Variants in ZAN observed in about 807,000 individuals in gnomAD.
ZAN encodes zonadhesin (gene/pseudogene).
A neutral mutation model predicts 286.2 loss-of-function variants in ZAN; 260 were observed. That is an observed-to-expected ratio of 0.91 (90% CI 0.82 to 1.01). The LOEUF (loss-of-function observed/expected upper bound fraction) is 1.01, where lower values mean the gene tolerates loss of function less well. Ranked by LOEUF, ZAN falls within the 50% of genes least tolerant of loss-of-function variation. The pLI, the probability that ZAN is intolerant of heterozygous loss-of-function variation, is 0.00. For synonymous variants in ZAN, 1,368 were observed against 1,417.5 expected, an observed-to-expected ratio of 0.97 and a Z score of 0.79; for missense variants, 3,410 against 3,639.2, an observed-to-expected ratio of 0.94 and a Z score of 1.62.
chr7:100,787,110 T>C (rs1328532776), intron 37 of ZAN, among the ~76,000 whole-genome samples: 1 of 150,736 alleles, frequency 6.6e-6, no homozygotes, highest in Admixed American at 6.6e-5. Flanking sequence ...TAATTGAATG[T>C]CAGTAGGTAT....
chr7:100,794,933 G>A (rs1446426278), intron 44 of ZAN, among the ~76,000 whole-genome samples: 1 of 150,750 alleles, frequency 6.6e-6, no homozygotes, highest in Non-Finnish European at 1.5e-5. Context: ...GAGAGGAGGG[G>A]AGAAGGAGGG....
rs774485727 is a variant in ZAN, at chr7:100,736,806, C to G, written c.254-3C>G. The G allele has an allele frequency of 6.8e-7, 1 of 1,470,450 alleles. No homozygotes were observed. Among genetic ancestry groups the G allele is most frequent in the Non-Finnish European group, 9.2e-7 (1 of 1,081,260 alleles). 91.1% of individuals were successfully genotyped at this position (1,470,450 alleles called of 1,614,324 possible). A position where few individuals can be genotyped will look rare whatever the true frequency, so the allele number is the denominator to read the frequency against. ...TCAGTGTCTTGGGCTCTGCCTCCCC[C>G]AGAGGGCAGCTATCTGCATATGGAA... is the stretch of plus-strand genomic sequence containing the variant. On this transcript the variant is annotated splice_region_variant and splice_polypyrimidine_tract_variant and intron_variant, in intron 4 of 47. Coordinates refer to ENST00000613979, the MANE Select transcript of ZAN (RefSeq NM_003386.3).
Position 100,779,436 on chromosome 7 carries a change from C to A in ZAN, c.6318-10C>A. 6.3e-7 allele frequency: 1 copy of A among 1,596,246 alleles called. No individual in the cohort carries two copies. Among genetic ancestry groups the A allele is most frequent in the Non-Finnish European group, 8.5e-7 (1 of 1,170,412 alleles). On this transcript the variant is annotated splice_polypyrimidine_tract_variant and intron_variant, in intron 34 of 47. Coordinates refer to ENST00000613979, the MANE Select transcript of ZAN (RefSeq NM_003386.3). ...CGGCTGTCCCTAGGCTGATTCTTTTCCCTTCCCAGTTGTCAGAGTCTCCTG... is the reference window on the plus strand; with the variant it reads ...CGGCTGTCCCTAGGCTGATTCTTTTACCTTCCCAGTTGTCAGAGTCTCCTG...
At position 100,784,690 on chromosome 7, in the gene ZAN, C is replaced by G. The variant is rs778181433; in HGVS notation, c.6690C>G (p.Asp2230Glu). The change falls in exon 36 of 48, where the codon GAC becomes GAG. Residue 2230 changes from aspartate (D) to glutamate (E), a missense_variant. This residue lies in a region of ZAN where 1,289 missense variants were observed against 1,314.3 expected (regional missense o/e 0.98). Coordinates refer to ENST00000613979, the MANE Select transcript of ZAN (RefSeq NM_003386.3). ...CLPSCSPSCWDLDGRCEGAKV... is the reference protein window; with the variant it reads ...CLPSCSPSCWELDGRCEGAKV... ...CCTCCTGCTCACCCTCCTGCTGGGA[C>G]CTGGATGGCCGGTGTGAGGGCGCCA... 2 of 1,613,944 alleles carry G rather than the reference C, an allele frequency of 1.2e-6. No homozygotes were observed. The highest frequency in any genetic ancestry group is 1.7e-5 in the Admixed American group (1 of 59,992).
chr7:100,747,755 C>T, intron 9 of ZAN, 114 bp downstream of exon 9: 2 of 1,057,394 alleles, frequency 1.9e-6, no homozygotes, highest in East Asian at 5.0e-5. Context: ...CTTTGGGAGG[C>T]TGAGGAGGGA....
chr7:100,787,262 A>T (rs946675986), intron 37 of ZAN, among the ~76,000 whole-genome samples: 1 of 144,800 alleles, frequency 6.9e-6, no homozygotes, highest in Non-Finnish European at 1.5e-5. Context: ...GGCCATTTCT[A>T]AAAAAAAAAG....
intron 26 of ZAN, among the ~76,000 whole-genome samples, chr7:100,768,214 G>A (rs1810133959): frequency 1.3e-5 from 2 of 152,312 alleles, no homozygotes; most frequent in South Asian, 4.1e-4. Context: ...GCTCATACCT[G>A]TAAATGCAAC....
intron 7 of ZAN, among the ~76,000 whole-genome samples, chr7:100,741,525 A>C (rs1438369135): frequency 7.2e-4 from 17 of 23,528 alleles, no homozygotes; most frequent in African/African-American, 8.9e-4. Context: ...GACCCCCCCC[A>C]CCTCCCTCCC....
intron 11 of ZAN, among the ~76,000 whole-genome samples, chr7:100,749,031 T>C (rs3891039): frequency 0.2 from 30,768 of 151,388 alleles, 3,474 homozygotes; most frequent in East Asian, 0.3. Context: ...CAAGACCTTG[T>C]CTCTAAAAAT....
chr7:100,792,394 C>T lies in ZAN; in HGVS notation c.7713-11C>T. The T allele has an allele frequency of 1.2e-6, 2 of 1,601,740 alleles. No individual in the cohort carries two copies. The highest frequency in any genetic ancestry group is 1.7e-6 in the Non-Finnish European group (2 of 1,172,136). ...ACTGACTGTGCCCTTCCTGCCCCCTCTCTGCACCAGGCACTGCGTGCTGGA... is the reference window on the plus strand; with the variant it reads ...ACTGACTGTGCCCTTCCTGCCCCCTTTCTGCACCAGGCACTGCGTGCTGGA... On this transcript the variant is annotated splice_polypyrimidine_tract_variant and intron_variant, in intron 41 of 47. Transcript: ENST00000613979.
At chr7:100,756,072 A>C (rs924125693) in intron 15 of ZAN, among the ~76,000 whole-genome samples, 2 of 152,232 alleles carry the variant, frequency 1.3e-5, no homozygotes, top group African/African-American at 4.8e-5. Flanking sequence ...TATTTTTAGT[A>C]GAGATAGGGT....
At chr7:100,739,530 C>T (rs780911018) in intron 7 of ZAN, among the ~76,000 whole-genome samples, 3 of 135,956 alleles carry the variant, frequency 2.2e-5, no homozygotes, top group Non-Finnish European at 5.0e-5. Flanking sequence ...CACTGGCTCA[C>T]GCCTGTAATC....
chr7:100,761,771 T>C (rs1809596395), intron 19 of ZAN, among the ~76,000 whole-genome samples: 1 of 151,680 alleles, frequency 6.6e-6, no homozygotes. Flanking sequence ...ACCCCATCTC[T>C]ACTAAAAATA....
At chr7:100,746,216 C>T (rs1320146318) in intron 7 of ZAN, among the ~76,000 whole-genome samples, 1 of 151,956 alleles carries the variant, frequency 6.6e-6, no homozygotes, top group Non-Finnish European at 1.5e-5. Flanking sequence ...CCAGACTGGG[C>T]GACAGAGTGA....
At position 100,755,225 on chromosome 7, in the gene ZAN, G is replaced by A; in HGVS notation, c.3125-1G>A. The A allele has an allele frequency of 5.0e-6, 8 of 1,610,864 alleles. No individual in the cohort carries two copies. The highest frequency in any genetic ancestry group is 6.8e-6 in the Non-Finnish European group (8 of 1,177,980). On this transcript the variant is annotated splice_acceptor_variant, in intron 14 of 47. Transcript: ENST00000613979. LOFTEE classifies it high-confidence loss of function. ...CATGACAGAGGCTGTTTTCCCCTTA[G>A]AGCGCTGCCCTCCAAATGCCCGCTA... is the stretch of plus-strand genomic sequence containing the variant.
chr7:100,789,867 C>T (rs1382923367), intron 39 of ZAN, among the ~76,000 whole-genome samples: 2 of 151,984 alleles, frequency 1.3e-5, no homozygotes, highest in African/African-American at 2.4e-5. Context: ...ATCGCTTGAA[C>T]GTGGGAGGCG....
In ZAN at chr7:100,752,455, A is replaced by G; in HGVS notation, c.2350A>G (p.Thr784Ala). The G allele has an allele frequency of 1.3e-6, 2 of 1,574,480 alleles. No homozygotes were observed. The highest frequency in any genetic ancestry group is 2.3e-5 in the South Asian group (2 of 88,600). Residue 784 changes from threonine (T) to alanine (A), a missense_variant, in exon 14 of 48, where the codon ACA becomes GCA. By Grantham distance (58) the Thr-to-Ala change is moderately conservative. Coordinates refer to ENST00000613979, the MANE Select transcript of ZAN (RefSeq NM_003386.3). ...TIPTEKPTIP[T>A]EKPTIPTEKP... Reference sequence around the variant, plus strand: ...CCCCACAGAAAAACCCACCATCCCCACAGAAAAACCCACCATTCCCACAGA... The same window carrying G: ...CCCCACAGAAAAACCCACCATCCCCGCAGAAAAACCCACCATTCCCACAGA...
chr7:100,777,651 T>C (rs536889745), intron 34 of ZAN, among the ~76,000 whole-genome samples: 179 of 152,260 alleles, frequency 1.2e-3, no homozygotes, highest in African/African-American at 4.1e-3. Context: ...CATGAGCCAC[T>C]GTGCCTGGCC....
chr7:100,791,674 T>C (rs1414502240), intron 40 of ZAN, among the ~76,000 whole-genome samples: 1 of 152,216 alleles, frequency 6.6e-6, no homozygotes, highest in African/African-American at 2.4e-5. Flanking sequence ...CCCAAAGTGC[T>C]GGGATTACAG....
Sources: allele counts gnomAD v4.1 joint callset (sites outside exome capture counted in the v4.1 genomes callset), GRCh38; gene constraint gnomAD v4.1.1; regional missense constraint gnomAD v4.1.1; transcripts MANE v1.5; gene names NCBI Gene and HGNC (gene_info 2026-07-23, HGNC 2026-07-21).